Variants in DISC1 observed in about 807,000 individuals in gnomAD.
DISC1 encodes disrupted in schizophrenia 1 protein.
Under a neutral mutation model 84.5 loss-of-function variants are expected in DISC1, and 57 were observed. The ratio of observed to expected loss-of-function variants is 0.67; its 90% CI spans 0.55 to 0.84. The LOEUF is 0.84. DISC1 is among the 40% of genes least tolerant of loss of function. The pLI, the probability that DISC1 is intolerant of heterozygous loss-of-function variation, is 0.00. For synonymous variants in DISC1, 411 were observed against 415.2 expected (o/e 0.99, Z 0.12); for missense variants, 1,000 against 1,057.8 (o/e 0.95, Z 0.76).
intron 6 of DISC1, among the ~76,000 whole-genome samples, chr1:231,789,987 C>T (rs1385848554): frequency 2.0e-5 from 3 of 152,010 alleles, no homozygotes; most frequent in Non-Finnish European, 2.9e-5. Context: ...TTTTAAAAAT[C>T]AAAGACATTC....
At chr1:231,723,963 G>A (rs925634524) in intron 3 of DISC1, 4 of 985,284 alleles carry the variant, frequency 4.1e-6, no homozygotes, top group Non-Finnish European at 4.8e-6. Context: ...GTGACTCCAG[G>A]AAGGAAACTC....
At chr1:231,968,673 AATG>A in intron 10 of DISC1, among the ~76,000 whole-genome samples, 1 of 152,006 alleles carries the variant, frequency 6.6e-6, no homozygotes, top group African/African-American at 2.4e-5. Context: ...TTCCCTATGT[AATG>A]AAGACCCCTG....
intron 3 of DISC1, among the ~76,000 whole-genome samples, chr1:231,714,940 A>G (rs1422078846): frequency 6.6e-6 from 1 of 152,212 alleles, no homozygotes; most frequent in Non-Finnish European, 1.5e-5. Flanking sequence ...TTTTGATGGA[A>G]GAATGTCAAA....
intron 9 of DISC1, among the ~76,000 whole-genome samples, chr1:231,837,528 C>T (rs554222328): frequency 2.0e-5 from 3 of 152,172 alleles, no homozygotes; most frequent in Non-Finnish European, 4.4e-5. Context: ...ATGATGAGGT[C>T]CCCAAAGCAC....
intron 8 of DISC1, among the ~76,000 whole-genome samples, chr1:231,814,088 G>T (rs2080627764): frequency 2.6e-5 from 4 of 152,090 alleles, no homozygotes. Flanking sequence ...ATGCCTTTAA[G>T]GTGGGAAAAC....
In DISC1 at chr1:232,036,699, C is replaced by T. The variant is rs1170751637; in HGVS notation, c.2433C>T (p.Leu811=). 11 of 1,597,264 alleles carry T rather than the reference C, an allele frequency of 6.9e-6. No individual in the cohort carries two copies. Among genetic ancestry groups the T allele is most frequent in the Non-Finnish European group, 9.4e-6 (11 of 1,167,016 alleles). ...CCTTAACAATGTGCCCACAGTCTCTCAGGAGGGAGCTCCAGATGGTGAAGG... is the reference window on the plus strand; with the variant it reads ...CCTTAACAATGTGCCCACAGTCTCTTAGGAGGGAGCTCCAGATGGTGAAGG... The part of the protein sequence containing the change: ...HSHDEDLIQS[L]RRELQMVKET... Residue 811 remains leucine (L), a synonymous_variant, in exon 13 of 13, where the codon CTC becomes CTT. Coordinates refer to ENST00000439617, the MANE Select transcript of DISC1 (RefSeq NM_018662.3).
chr1:231,890,083 A>G (rs923046364), intron 9 of DISC1, among the ~76,000 whole-genome samples: 2 of 152,172 alleles, frequency 1.3e-5, no homozygotes, highest in African/African-American at 2.4e-5. Flanking sequence ...ATGTGCTTAG[A>G]GAGTGTTTTT....
intron 9 of DISC1, among the ~76,000 whole-genome samples, chr1:231,916,559 G>T (rs2089644857): frequency 6.7e-6 from 1 of 149,158 alleles, no homozygotes. Flanking sequence ...GGAGGCTGAG[G>T]CAGGAGAATG....
intron 1 of DISC1, among the ~76,000 whole-genome samples, chr1:231,646,972 C>T (rs1290320386): frequency 6.6e-6 from 1 of 152,140 alleles, no homozygotes; most frequent in African/African-American, 2.4e-5. Flanking sequence ...AGCCCTTTGT[C>T]AGATGGGTAG....
chr1:231,643,778 C>G (rs996725348), intron 1 of DISC1, among the ~76,000 whole-genome samples: 6 of 152,166 alleles, frequency 3.9e-5, no homozygotes, highest in Non-Finnish European at 8.8e-5. Context: ...AAGGGCTTAG[C>G]AAACGGTAGC....
At chr1:231,812,814 C>A (rs2125713336) in intron 8 of DISC1, among the ~76,000 whole-genome samples, 1 of 152,308 alleles carries the variant, frequency 6.6e-6, no homozygotes. Flanking sequence ...TGACCAATTT[C>A]AGCAGTCAGA....
At chr1:231,912,838 CT>C (rs2089346197) in intron 9 of DISC1, among the ~76,000 whole-genome samples, 1 of 148,034 alleles carries the variant, frequency 6.8e-6, no homozygotes. Flanking sequence ...CTTTCTTCTT[CT>C]TTTTCTTCTT....
At chr1:231,990,864 A>C (rs1665111950) in intron 10 of DISC1, among the ~76,000 whole-genome samples, 1 of 152,182 alleles carries the variant, frequency 6.6e-6, no homozygotes, top group Admixed American at 6.5e-5. Context: ...CCTGAACTGC[A>C]GTTACTGTGT....
chr1:231,754,961 C>A (rs918807410), intron 4 of DISC1, among the ~76,000 whole-genome samples: 2 of 152,152 alleles, frequency 1.3e-5, no homozygotes, highest in African/African-American at 2.4e-5. Context: ...TCACTGTGAC[C>A]TGATTTCTGT....
In DISC1 at chr1:231,716,993, G is replaced by T. The variant is rs150726528; in HGVS notation, c.1117+14969G>T. Reference sequence around the variant, plus strand: ...CTACCAACACGTTCTGGATGGCAGAGAGGCATGCCAGAAGAAAATCTTGAG... The same window carrying T: ...CTACCAACACGTTCTGGATGGCAGATAGGCATGCCAGAAGAAAATCTTGAG... On this transcript the variant is annotated intron_variant, in intron 3 of 12. Coordinates refer to ENST00000439617, the MANE Select transcript of DISC1 (RefSeq NM_018662.3). Among the ~76,000 whole-genome samples, 135 of 152,262 alleles carry T rather than the reference G, an allele frequency of 8.9e-4. 1 individual carries two copies. The Middle Eastern group carries it at 0.017, about 19-fold the overall frequency.
At chr1:231,878,956 T>C (rs1308359165) in intron 9 of DISC1, among the ~76,000 whole-genome samples, 1 of 152,232 alleles carries the variant, frequency 6.6e-6, no homozygotes, top group Non-Finnish European at 1.5e-5. Context: ...TAGCCATAAA[T>C]CACTGTGTGA....
Position 232,008,602 on chromosome 1 carries a change from TTGA to T in DISC1, c.2043-180_2043-178del. Among the ~76,000 whole-genome samples, 3 of 152,342 alleles carry T rather than the reference TTGA, an allele frequency of 2.0e-5. No homozygotes were observed. In the East Asian group the frequency reaches 5.8e-4, roughly 29 times the overall value. ...AAGGACCAGCACATTTCATGGTGAC[TTGA>T]TGGTGTGCAAATTTGGTCCCTCTGA... On this transcript the variant is annotated intron_variant, in intron 10 of 12. Coordinates refer to ENST00000439617, the MANE Select transcript of DISC1 (RefSeq NM_018662.3).
intron 9 of DISC1, among the ~76,000 whole-genome samples, chr1:231,872,123 G>A (rs7530921): frequency 0.37 from 56,660 of 152,026 alleles, 10,623 homozygotes; most frequent in Middle Eastern, 0.41. Flanking sequence ...CATGCAAGGC[G>A]TGGGGATGTG....
intron 9 of DISC1, among the ~76,000 whole-genome samples, chr1:231,904,895 G>C (rs1037482278): frequency 1.3e-5 from 2 of 152,036 alleles, no homozygotes; most frequent in Admixed American, 1.3e-4. Flanking sequence ...CATAAATCGA[G>C]CATAAAAATA....
Sources: gnomAD v4.1 joint callset for allele counts (sites outside exome capture counted in the v4.1 genomes callset) on GRCh38, gnomAD v4.1.1 for gene constraint, MANE v1.5 for transcripts, NCBI Gene and HGNC (gene_info 2026-07-23, HGNC 2026-07-21) for gene names.